SPATS2L: variants seen among roughly 807,000 people sequenced by gnomAD.
The protein encoded by SPATS2L is spermatogenesis associated serine rich 2 like.
In SPATS2L, 30 loss-of-function variants were observed where a neutral mutation model predicts 59.6. The observed-to-expected ratio is 0.50, with a 90% CI of 0.38 to 0.68. The LOEUF is 0.68. SPATS2L is among the 30% of genes least tolerant of loss of function. SPATS2L has a pLI of 0.00. For missense variants in SPATS2L, 615 were observed against 700.0 expected, an observed-to-expected ratio of 0.88 and a Z score of 1.37; for synonymous variants, 252 against 263.5, an observed-to-expected ratio of 0.96 and a Z score of 0.42.
At chr2:200,465,600 A>T (rs1214274973) in intron 9 of SPATS2L, among the ~76,000 whole-genome samples, 5 of 152,220 alleles carry the variant, frequency 3.3e-5, no homozygotes, top group Admixed American at 3.3e-4. Context: ...GCCCAGCCAC[A>T]TGGTATTGTA....
intron 8 of SPATS2L, 43 bp from the exon 9 acceptor site, chr2:200,459,726 T>C: frequency 6.9e-7 from 1 of 1,455,718 alleles, no homozygotes; most frequent in Non-Finnish European, 9.6e-7. Context: ...TTATCTTTGA[T>C]TAAGCATTCT....
chr2:200,467,095 TGGA>T (rs2086656187), intron 9 of SPATS2L, among the ~76,000 whole-genome samples, 192 bp from the exon 10 acceptor site: 1 of 152,084 alleles, frequency 6.6e-6, no homozygotes, highest in South Asian at 2.1e-4. Context: ...TGGGGATTGG[TGGA>T]GGAGGACAGG....
At chr2:200,360,001 T>C (rs1382979347) in intron 2 of SPATS2L, among the ~76,000 whole-genome samples, 1 of 152,212 alleles carries the variant, frequency 6.6e-6, no homozygotes, top group Admixed American at 6.5e-5. Context: ...TATTAACATC[T>C]TTTTCCATAT....
At chr2:200,357,751 A>C (rs1277060221) in intron 2 of SPATS2L, among the ~76,000 whole-genome samples, 1 of 152,202 alleles carries the variant, frequency 6.6e-6, no homozygotes, top group Non-Finnish European at 1.5e-5. Context: ...ATTCAAGTAG[A>C]CTATCATAAT....
At chr2:200,308,729 TA>T (rs1394210408) in intron 1 of SPATS2L, among the ~76,000 whole-genome samples, 4 of 152,210 alleles carry the variant, frequency 2.6e-5, no homozygotes, top group Non-Finnish European at 4.4e-5. Context: ...AAGACGTTAG[TA>T]AAAACTGAAC....
At chr2:200,401,939 A>G (rs1029444745) in intron 3 of SPATS2L, among the ~76,000 whole-genome samples, 8 of 152,186 alleles carry the variant, frequency 5.3e-5, no homozygotes, top group African/African-American at 1.7e-4. Context: ...GGCTCCCAAA[A>G]GAGTAAAGCT....
chr2:200,418,910 C>G (rs1248934548), intron 5 of SPATS2L, among the ~76,000 whole-genome samples: 13 of 152,198 alleles, frequency 8.5e-5, no homozygotes, highest in African/African-American at 3.1e-4. Context: ...TAACTGAAAT[C>G]AAATTTTTTC....
At chr2:200,369,987 A>T (rs2081378536) in intron 2 of SPATS2L, among the ~76,000 whole-genome samples, 2 of 152,212 alleles carry the variant, frequency 1.3e-5, no homozygotes, top group Non-Finnish European at 2.9e-5. Flanking sequence ...ACAAAATGTG[A>T]GTAAGAAGGA....
Position 200,482,200 on chromosome 2 carries a change from A to G in SPATS2L, c.*4169A>G, listed in dbSNP as rs779978321. 9 of 152,360 alleles carry G rather than the reference A, an allele frequency of 5.9e-5. No homozygotes were observed. The highest frequency in any genetic ancestry group is 1.2e-4 in the Non-Finnish European group (8 of 68,034). 9.4% of individuals were successfully genotyped at this position (152,360 alleles called of 1,614,324 possible). On this transcript the variant is annotated 3_prime_UTR_variant, in exon 13 of 13. Coordinates refer to ENST00000409140, the MANE Select transcript of SPATS2L (RefSeq NM_001100423.2). ...GAATTTGAAATGTAATTTAAATACT[A>G]TTCTTTACAATCCATTATAAGGATT... is the stretch of plus-strand genomic sequence containing the variant.
intron 1 of SPATS2L, among the ~76,000 whole-genome samples, chr2:200,314,579 G>C (rs982351427): frequency 6.6e-6 from 1 of 152,188 alleles, no homozygotes; most frequent in East Asian, 1.9e-4. Flanking sequence ...TGGCACGAAA[G>C]CTTCTTTGTG....
chr2:200,329,527 A>G, intron 2 of SPATS2L, 47 bp downstream of exon 2: 1 of 1,507,430 alleles, frequency 6.6e-7, no homozygotes, highest in Non-Finnish European at 9.0e-7. Flanking sequence ...TCCTGCTGCC[A>G]TGGCCAGCTG....
chr2:200,412,477 C>G, intron 4 of SPATS2L, 58 bp downstream of exon 4: 2 of 941,646 alleles, frequency 2.1e-6, no homozygotes, highest in South Asian at 3.7e-5. Flanking sequence ...CCAGATATTC[C>G]ATATTTTTTC....
At chr2:200,401,303 C>G (rs1245072317) in intron 3 of SPATS2L, among the ~76,000 whole-genome samples, 1 of 152,058 alleles carries the variant, frequency 6.6e-6, no homozygotes, top group Non-Finnish European at 1.5e-5. Context: ...CAAATTCCTC[C>G]CTAATTCCTA....
chr2:200,337,850 A>G (rs367730460), intron 2 of SPATS2L, among the ~76,000 whole-genome samples: 6 of 152,214 alleles, frequency 3.9e-5, no homozygotes. Context: ...ATAGACTGCC[A>G]GCTGTCTAGG....
intron 2 of SPATS2L, chr2:200,378,469 C>A: frequency 1.2e-6 from 1 of 841,028 alleles, no homozygotes; most frequent in Non-Finnish European, 1.5e-6. Flanking sequence ...ACTGGAAGTC[C>A]AAGCCCTGCC....
intron 1 of SPATS2L, among the ~76,000 whole-genome samples, chr2:200,322,764 G>A (rs1025306660): frequency 6.6e-6 from 1 of 152,176 alleles, no homozygotes; most frequent in Non-Finnish European, 1.5e-5. Flanking sequence ...TCTTTTGATA[G>A]GGTAATCCTG....
chr2:200,342,151 CTA>C (rs2080353372), intron 2 of SPATS2L, among the ~76,000 whole-genome samples: 1 of 152,164 alleles, frequency 6.6e-6, no homozygotes, highest in Non-Finnish European at 1.5e-5. Flanking sequence ...TTATCACTAA[CTA>C]TCACTCACTG....
chr2:200,385,940 A>G (rs1478761103), intron 2 of SPATS2L, among the ~76,000 whole-genome samples: 11 of 152,232 alleles, frequency 7.2e-5, no homozygotes, highest in African/African-American at 2.2e-4. Context: ...TGATCCGCCC[A>G]CCTTGGCCTC....
At position 200,481,891 on chromosome 2, in the gene SPATS2L, A is replaced by G. The variant is rs1047490323; in HGVS notation, c.*3860A>G. The G allele has an allele frequency of 3.9e-5, 6 of 152,382 alleles. No homozygotes were observed. Among genetic ancestry groups the G allele is most frequent in the East Asian group, 1.9e-4 (1 of 5,182 alleles). The allele number at this position is 152,382 out of a possible 1,614,324, so 9.4% of individuals were successfully genotyped here. A position where few individuals can be genotyped will look rare whatever the true frequency, so the allele number is the denominator to read the frequency against. The stretch of plus-strand genomic sequence containing the variant: ...GATACAGGGTTTCACCGTGTTAGCC[A>G]GGATGGTTTTGATCTCCTGACCTCG... On this transcript the variant is annotated 3_prime_UTR_variant, in exon 13 of 13. Coordinates refer to ENST00000409140, the MANE Select transcript of SPATS2L (RefSeq NM_001100423.2).
Sources: gnomAD v4.1 joint callset for allele counts (sites outside exome capture counted in the v4.1 genomes callset) on GRCh38, gnomAD v4.1.1 for gene constraint, MANE v1.5 for transcripts, NCBI Gene and HGNC (gene_info 2026-07-23, HGNC 2026-07-21) for gene names.